The following MYO5A variants were observed in gnomAD, a reference collection of about 807,000 sequenced individuals.
MYO5A encodes unconventional myosin-Va.
Under a neutral mutation model 249.7 loss-of-function variants are expected in MYO5A, and 98 were observed. The observed-to-expected ratio is 0.39, with a 90% CI of 0.33 to 0.46. MYO5A has a LOEUF of 0.46. Ranked by LOEUF, MYO5A falls within the 20% of genes least tolerant of loss-of-function variation. MYO5A has a pLI of 0.98. For missense variants in MYO5A, 1,696 were observed against 2,308.8 expected, an observed-to-expected ratio of 0.73 and a Z score of 5.44; for synonymous variants, 778 against 810.6, an observed-to-expected ratio of 0.96 and a Z score of 0.68.
At chr15:52,346,768 GAA>G (rs138325225) in intron 29 of MYO5A, among the ~76,000 whole-genome samples, 1 of 145,294 alleles carries the variant, frequency 6.9e-6, no homozygotes, top group South Asian at 2.1e-4. Context: ...TACATTATGT[GAA>G]AAAAAATATA....
At chr15:52,507,994 C>A (rs2077310328) in intron 1 of MYO5A, among the ~76,000 whole-genome samples, 1 of 152,056 alleles carries the variant, frequency 6.6e-6, no homozygotes, top group Admixed American at 6.6e-5. Context: ...TGTATCTAAT[C>A]TCTCAACTGC....
intron 1 of MYO5A, among the ~76,000 whole-genome samples, chr15:52,528,129 A>G (rs1369921483): frequency 6.6e-6 from 1 of 152,126 alleles, no homozygotes; most frequent in Non-Finnish European, 1.5e-5. Context: ...GAGCCTAACA[A>G]GGCTCTGCGG....
intron 1 of MYO5A, among the ~76,000 whole-genome samples, chr15:52,464,278 C>T (rs907545244): frequency 1.3e-5 from 2 of 152,236 alleles, no homozygotes; most frequent in African/African-American, 2.4e-5. Flanking sequence ...ACAGGTTTAA[C>T]AGCAACTCAC....
chr15:52,463,603 A>G (rs917220851), intron 1 of MYO5A, among the ~76,000 whole-genome samples: 1 of 152,134 alleles, frequency 6.6e-6, no homozygotes, highest in African/African-American at 2.4e-5. Context: ...CTGTTTTGCT[A>G]ACTTGTTCTA....
intron 1 of MYO5A, among the ~76,000 whole-genome samples, chr15:52,515,532 TC>T (rs1052044826): frequency 2.0e-5 from 3 of 152,218 alleles, no homozygotes; most frequent in African/African-American, 7.2e-5. Context: ...TCTAAGTGCT[TC>T]CCATGTACTA....
At chr15:52,338,742 T>G (rs923478545) in intron 32 of MYO5A, among the ~76,000 whole-genome samples, 2 of 152,038 alleles carry the variant, frequency 1.3e-5, no homozygotes, top group Non-Finnish European at 2.9e-5. Context: ...CTATGAAAAA[T>G]TGCCAAAAAA....
intron 4 of MYO5A, among the ~76,000 whole-genome samples, chr15:52,417,135 G>C (rs1476207605): frequency 6.6e-6 from 1 of 152,150 alleles, no homozygotes; most frequent in Non-Finnish European, 1.5e-5. Context: ...ATAACACAGA[G>C]GAAGAAGATA....
intron 1 of MYO5A, among the ~76,000 whole-genome samples, chr15:52,504,139 A>C (rs1401908411): frequency 1.3e-5 from 2 of 150,670 alleles, no homozygotes; most frequent in Non-Finnish European, 3.0e-5. Context: ...GATACCATAA[A>C]CTTGGGATAT....
Position 52,389,218 on chromosome 15 carries a change from C to G in MYO5A, c.1668+20G>C, listed in dbSNP as rs2042103423. 7 of 1,608,662 alleles carry G rather than the reference C, an allele frequency of 4.4e-6. No homozygotes were observed. The highest frequency in any genetic ancestry group is 1.7e-4 in the Middle Eastern group (1 of 5,896). On this transcript the variant is annotated intron_variant, in intron 13 of 41. Transcript: ENST00000399233. ...ACATTTAAGTATTCAAAAAGAAAAA[C>G]TGATATAAAGCTTCCTTACTTTGTC...
intron 1 of MYO5A, among the ~76,000 whole-genome samples, chr15:52,464,998 T>C (rs1231867286): frequency 6.6e-6 from 1 of 152,192 alleles, no homozygotes; most frequent in African/African-American, 2.4e-5. Context: ...TTGGCCACAC[T>C]GGGAGTCAGC....
At chr15:52,334,904 G>A (rs2039044396) in intron 34 of MYO5A, among the ~76,000 whole-genome samples, 1 of 152,200 alleles carries the variant, frequency 6.6e-6, no homozygotes, top group South Asian at 2.1e-4. Context: ...AATCAGGAAA[G>A]GCTACTCTTG....
At chr15:52,401,227 G>A (rs571761154) in intron 9 of MYO5A, among the ~76,000 whole-genome samples, 37 of 152,092 alleles carry the variant, frequency 2.4e-4, no homozygotes, top group Non-Finnish European at 4.9e-4. Flanking sequence ...TACGCATGAT[G>A]TCCAGCTAAT....
At chr15:52,339,610 A>G (rs1346462433) in intron 32 of MYO5A, among the ~76,000 whole-genome samples, 1 of 152,176 alleles carries the variant, frequency 6.6e-6, no homozygotes, top group Non-Finnish European at 1.5e-5. Context: ...GAAAAAGACA[A>G]TTTCCTCACT....
upstream of MYO5A, chr15:52,528,899 C>G: frequency 8.0e-7 from 1 of 1,252,334 alleles, no homozygotes; most frequent in Non-Finnish European, 1.0e-6. Context: ...CCCGCAGCCG[C>G]CGGCAGGGAG....
In MYO5A at chr15:52,376,354, C is replaced by T; in HGVS notation, c.2413G>A (p.Ala805Thr). The change falls in exon 19 of 42, where the codon GCC (alanine) becomes ACC (threonine). Residue 805 changes from alanine (A) to threonine (T), a missense_variant. By Grantham distance (58) the Ala-to-Thr change is moderately conservative. Transcript: ENST00000399233. ...TMQRYVRGYQARCYAKFLRRT... is the reference protein window; with the variant it reads ...TMQRYVRGYQTRCYAKFLRRT... The stretch of plus-strand genomic sequence containing the variant: ...TGTCCCCAGGAGACCTACCATCGGG[C>T]CTGGTAGCCCCGCACGTATCTCTGC... 1.9e-6 allele frequency: 3 copies of T among 1,613,926 alleles called. No homozygotes were observed. The highest frequency in any genetic ancestry group is 2.5e-6 in the Non-Finnish European group (3 of 1,179,942).
intron 1 of MYO5A, among the ~76,000 whole-genome samples, chr15:52,504,154 G>A (rs143634078): frequency 4.8e-4 from 69 of 145,192 alleles, no homozygotes; most frequent in Non-Finnish European, 8.9e-4. Context: ...GGATATCCTA[G>A]AAACAACCAT....
intron 14 of MYO5A, 76 bp downstream of exon 14, chr15:52,387,752 TA>T: frequency 6.8e-6 from 8 of 1,173,542 alleles, no homozygotes; most frequent in Non-Finnish European, 1.0e-5. Context: ...AGATTTTTGT[TA>T]AAAAAATCAT....
intron 1 of MYO5A, among the ~76,000 whole-genome samples, chr15:52,515,515 G>A (rs1175425677): frequency 6.6e-6 from 1 of 152,158 alleles, no homozygotes; most frequent in African/African-American, 2.4e-5. Context: ...TATGTGCCAG[G>A]CATTATTCTA....
At chr15:52,328,694 G>C (rs1333913952) in intron 35 of MYO5A, among the ~76,000 whole-genome samples, 3 of 152,124 alleles carry the variant, frequency 2.0e-5, no homozygotes, top group Admixed American at 6.5e-5. Flanking sequence ...CTCTCGTTCT[G>C]AGAATCCTCC....
Sources: gnomAD v4.1 joint callset for allele counts (sites outside exome capture counted in the v4.1 genomes callset) on GRCh38, gnomAD v4.1.1 for gene constraint, MANE v1.5 for transcripts, NCBI Gene and HGNC (gene_info 2026-07-23, HGNC 2026-07-21) for gene names.